Variants in IMPA2 observed in about 807,000 individuals in gnomAD.
IMPA2 encodes the protein inositol monophosphatase 2.
In IMPA2, 32 loss-of-function variants were observed where a neutral mutation model predicts 35.1. The ratio of observed to expected loss-of-function variants is 0.91; its 90% CI spans 0.69 to 1.23. The LOEUF (loss-of-function observed/expected upper bound fraction) is 1.23, where lower values mean the gene tolerates loss of function less well. Ranked by LOEUF, IMPA2 falls within the 50% of genes most tolerant of loss-of-function variation. The pLI is 0.00. For synonymous variants in IMPA2, 135 were observed against 160.6 expected, an observed-to-expected ratio of 0.84 and a Z score of 1.20; for missense variants, 334 against 387.6, an observed-to-expected ratio of 0.86 and a Z score of 1.16.
At chr18:12,008,829 C>T (rs1262277026) in intron 2 of IMPA2, among the ~76,000 whole-genome samples, 3 of 152,162 alleles carry the variant, frequency 2.0e-5, no homozygotes, top group African/African-American at 7.2e-5. Flanking sequence ...AGGTTCCTAG[C>T]AGGACAGACG....
chr18:12,016,584 T>G (rs1598701226), intron 5 of IMPA2, among the ~76,000 whole-genome samples: 1 of 152,036 alleles, frequency 6.6e-6, no homozygotes, highest in African/African-American at 2.4e-5. Context: ...CACACCTGAC[T>G]AATTTTGTAT....
At chr18:12,003,555 A>G (rs1266967725) in intron 2 of IMPA2, among the ~76,000 whole-genome samples, 2 of 149,974 alleles carry the variant, frequency 1.3e-5, no homozygotes, top group African/African-American at 4.9e-5. Context: ...GAAGGTTGAG[A>G]CAGGAGAATC....
At chr18:12,000,065 T>G (rs1357100042) in intron 2 of IMPA2, among the ~76,000 whole-genome samples, 8 of 152,228 alleles carry the variant, frequency 5.3e-5, no homozygotes, top group Non-Finnish European at 8.8e-5. Flanking sequence ...GTATTATAAC[T>G]GTCAGGTTCC....
intron 2 of IMPA2, chr18:12,008,305 C>G: frequency 1.9e-6 from 1 of 517,456 alleles, no homozygotes; most frequent in Non-Finnish European, 3.9e-6. Context: ...TTGTTTTTCA[C>G]TTATTTTCTT....
chr18:12,014,443 C>A, intron 5 of IMPA2, 70 bp downstream of exon 5: 3 of 943,102 alleles, frequency 3.2e-6, no homozygotes, highest in South Asian at 1.7e-5. Flanking sequence ...CCAAAGCCAC[C>A]ATGATGTGGG....
chr18:11,989,810 C>G, intron 1 of IMPA2, among the ~76,000 whole-genome samples: 1 of 152,122 alleles, frequency 6.6e-6, no homozygotes, highest in Non-Finnish European at 1.5e-5. Flanking sequence ...CTTGCTCACC[C>G]CAATGAAGCG....
At chr18:11,987,110 A>G (rs1031072874) in intron 1 of IMPA2, among the ~76,000 whole-genome samples, 4 of 152,208 alleles carry the variant, frequency 2.6e-5, no homozygotes, top group African/African-American at 9.6e-5. Context: ...GTGCTTCTCC[A>G]GCTTTGGCTG....
intron 1 of IMPA2, among the ~76,000 whole-genome samples, chr18:11,995,338 A>G (rs1906930500): frequency 6.6e-6 from 1 of 152,134 alleles, no homozygotes; most frequent in Admixed American, 6.6e-5. Flanking sequence ...TGAGGATGTG[A>G]CTCGGAAGTT....
chr18:11,985,309 T>C (rs1269262176), intron 1 of IMPA2, among the ~76,000 whole-genome samples: 1 of 152,230 alleles, frequency 6.6e-6, no homozygotes, highest in Non-Finnish European at 1.5e-5. Context: ...CTTTCACTGC[T>C]TCTCATACTT....
chr18:12,018,542 G>C (rs1907643883), intron 5 of IMPA2, among the ~76,000 whole-genome samples: 2 of 152,084 alleles, frequency 1.3e-5, no homozygotes, highest in Admixed American at 1.3e-4. Context: ...AAAGCTTTTT[G>C]ATCTTAGGAC....
Position 12,014,325 on chromosome 18 carries a change from C to T in IMPA2, c.442C>T (p.Arg148Trp), listed in dbSNP as rs769093860. The T allele has an allele frequency of 1.7e-5, 28 of 1,609,468 alleles. No homozygotes were observed. Among genetic ancestry groups the T allele is most frequent in the Admixed American group, 3.4e-5 (2 of 59,288 alleles). The part of the protein sequence containing the change: ...EERLYTGRRG[R>W]GAFCNGQRLR... ...GCGGCTGTACACGGGCCGGCGGGGTCGGGGCGCCTTCTGCAATGGCCAGCG... is the reference window on the plus strand; with the variant it reads ...GCGGCTGTACACGGGCCGGCGGGGTTGGGGCGCCTTCTGCAATGGCCAGCG... The change falls in exon 5 of 8, where the codon CGG becomes TGG. Residue 148 changes from arginine (R) to tryptophan (W), a missense_variant. Coordinates refer to ENST00000269159, the MANE Select transcript of IMPA2 (RefSeq NM_014214.3).
chr18:12,019,420 ATT>A (rs1023606644), intron 5 of IMPA2, among the ~76,000 whole-genome samples: 77 of 133,050 alleles, frequency 5.8e-4, no homozygotes, highest in Middle Eastern at 3.9e-3. Context: ...TGTCCGGCTA[ATT>A]TTTTTTTTTT....
chr18:12,019,258 A>T lies in IMPA2; in HGVS notation c.490+4885A>T, dbSNP rs796189157. Among the ~76,000 whole-genome samples the T allele has an allele frequency of 5.5e-4, 83 of 151,476 alleles. 1 individual carries two copies. The highest frequency in any genetic ancestry group is 1.9e-3 in the African/African-American group (77 of 41,358). On this transcript the variant is annotated intron_variant, in intron 5 of 7. Transcript: ENST00000269159. ...TCAAACCAAAACTCAAAAAGTAGCA[A>T]TTTTTTTTGTTTTTGAGATGGAGTC...
chr18:11,981,968 C>T (rs1170536929), intron 1 of IMPA2, among the ~76,000 whole-genome samples: 1 of 151,800 alleles, frequency 6.6e-6, no homozygotes, highest in African/African-American at 2.4e-5. Flanking sequence ...ACTCCCGGAG[C>T]CCTGGCGGCG....
At chr18:12,027,567 ATTTTTTTTTT>A (rs138876745) in intron 5 of IMPA2, among the ~76,000 whole-genome samples, 3 of 90,980 alleles carry the variant, frequency 3.3e-5, no homozygotes, top group South Asian at 4.3e-4. Flanking sequence ...AATGATGGTG[ATTTTTTTTTT>A]TTTTTTTTTT....
At chr18:12,028,448 C>T (rs989663385) in intron 6 of IMPA2, 24 of 451,714 alleles carry the variant, frequency 5.3e-5, no homozygotes, top group African/African-American at 4.4e-4. Context: ...CCCGAGGGGG[C>T]CTGGCGTCAG....
intron 5 of IMPA2, among the ~76,000 whole-genome samples, chr18:12,019,855 G>T (rs529496122): frequency 6.6e-6 from 1 of 151,920 alleles, no homozygotes; most frequent in Non-Finnish European, 1.5e-5. Context: ...TACAGTGTTA[G>T]ATACGATTTT....
At chr18:12,013,506 GGCATTT>G (rs1245187258) in intron 4 of IMPA2, among the ~76,000 whole-genome samples, 1 of 152,218 alleles carries the variant, frequency 6.6e-6, no homozygotes, top group Admixed American at 6.5e-5. Flanking sequence ...GCTTTCCTAA[GGCATTT>G]GGCCAGGGTG....
chr18:12,021,120 G>A (rs1201394866), intron 5 of IMPA2, among the ~76,000 whole-genome samples: 1 of 152,114 alleles, frequency 6.6e-6, no homozygotes, highest in Non-Finnish European at 1.5e-5. Context: ...GGCGAGGCAC[G>A]ATGGCTCACA....
Sources: gnomAD v4.1 joint callset for allele counts (sites outside exome capture counted in the v4.1 genomes callset) on GRCh38, gnomAD v4.1.1 for gene constraint, MANE v1.5 for transcripts, NCBI Gene and HGNC (gene_info 2026-07-23, HGNC 2026-07-21) for gene names.